Variants in PCCA observed in about 807,000 individuals in gnomAD.
PCCA encodes the protein propionyl-CoA carboxylase alpha chain, mitochondrial.
A neutral mutation model predicts 101.3 loss-of-function variants in PCCA; 74 were observed. The ratio of observed to expected loss-of-function variants is 0.73; its 90% confidence interval spans 0.61 to 0.89. The LOEUF (loss-of-function observed/expected upper bound fraction) is 0.89, where lower values mean the gene tolerates loss of function less well. Among genes scored for constraint, PCCA ranks in the 40% least tolerant of loss-of-function variants. PCCA has a pLI of 0.00. For synonymous variants in PCCA, 294 were observed against 313.6 expected (o/e 0.94, Z 0.66); for missense variants, 891 against 907.0 (o/e 0.98, Z 0.23).
At chr13:100,524,624 C>T (rs550191877) in intron 22 of PCCA, among the ~76,000 whole-genome samples, 75 of 152,278 alleles carry the variant, frequency 4.9e-4, no homozygotes, top group African/African-American at 1.7e-3. Flanking sequence ...GTAACCCCAG[C>T]ACTTTGGGAG....
rs1246904270 is a variant in PCCA, at chr13:100,394,394, G to C, written c.1746+25820G>C. ...AGCTTTCTTCAGCGAGGTTCCTTTT[G>C]CATCAGCGCTGGTTCTTGGTGGCAG... On this transcript the variant is annotated intron_variant, in intron 19 of 23. Coordinates refer to ENST00000376285, the MANE Select transcript of PCCA (RefSeq NM_000282.4). This position sits in a 1 kb window ranked among gnomAD's most constrained non-coding sequence, Gnocchi z 4.3. Among the ~76,000 whole-genome samples the C allele has an allele frequency of 1.3e-5, 2 of 151,996 alleles. No individual in the cohort carries two copies.
intron 19 of PCCA, among the ~76,000 whole-genome samples, chr13:100,395,594 T>A (rs2077004620): frequency 6.6e-6 from 1 of 152,214 alleles, no homozygotes; most frequent in Non-Finnish European, 1.5e-5. Context: ...TTAAAAGAAT[T>A]ATGGGTGTGG....
At position 100,222,073 on chromosome 13, in the gene PCCA, A is replaced by G. The variant is rs186605180; in HGVS notation, c.600+12610A>G. On this transcript the variant is annotated intron_variant, in intron 7 of 23. Transcript: ENST00000376285. Reference sequence around the variant, plus strand: ...ATAATTTTTTTTGAGACAGAGTCTCACTCTGTTGCCCAGACTGGAGTACAG... The same window carrying G: ...ATAATTTTTTTTGAGACAGAGTCTCGCTCTGTTGCCCAGACTGGAGTACAG... 2.1e-3 allele frequency among the ~76,000 whole-genome samples: 314 copies of G among 150,040 alleles called. 4 individuals carry two copies. Among genetic ancestry groups the G allele is most frequent in the Admixed American group, 0.018 (267 of 15,024 alleles).
At chr13:100,220,426 A>ATTT (rs34275910) in intron 7 of PCCA, among the ~76,000 whole-genome samples, 6 of 132,516 alleles carry the variant, frequency 4.5e-5, no homozygotes, top group South Asian at 5.0e-4. Flanking sequence ...TGCCTGACTA[A>ATTT]TTTTTTTTTT....
intron 16 of PCCA, among the ~76,000 whole-genome samples, chr13:100,315,359 A>G (rs958139925): frequency 6.6e-6 from 1 of 152,226 alleles, no homozygotes; most frequent in Admixed American, 6.5e-5. Context: ...ACTAATATTT[A>G]AAGAATAAAA....
intron 1 of PCCA, among the ~76,000 whole-genome samples, chr13:100,097,612 G>A (rs919347640): frequency 3.3e-5 from 5 of 152,066 alleles, no homozygotes; most frequent in Non-Finnish European, 5.9e-5. Context: ...CCAGCTACTC[G>A]GGAGGCTGAG....
intron 21 of PCCA, among the ~76,000 whole-genome samples, chr13:100,511,335 T>C (rs2086463290): frequency 6.6e-6 from 1 of 152,214 alleles, no homozygotes; most frequent in South Asian, 2.1e-4. Flanking sequence ...ATTTGAGTGT[T>C]GCTCTCACTG....
rs570817575 is a variant in PCCA, at chr13:100,234,594, C to A, written c.601-1248C>A. 1.4e-4 allele frequency among the ~76,000 whole-genome samples: 21 copies of A among 152,096 alleles called. 1 individual carries two copies. The South Asian group carries it at 4.0e-3, about 29-fold the overall frequency. On this transcript the variant is annotated intron_variant, in intron 7 of 23. Coordinates refer to ENST00000376285, the MANE Select transcript of PCCA (RefSeq NM_000282.4). ...GGAAATTAAATTTTTCTGACAACTT[C>A]CCCTGCCAACCTCCTTATTCAGGGG...
chr13:100,118,313 A>C (rs1025862480), intron 4 of PCCA, among the ~76,000 whole-genome samples: 10 of 152,054 alleles, frequency 6.6e-5, no homozygotes, highest in African/African-American at 2.2e-4. Context: ...AGTTGACCCC[A>C]GTTGTCCTTT....
intron 7 of PCCA, among the ~76,000 whole-genome samples, chr13:100,227,399 G>A (rs898100077): frequency 2.0e-5 from 3 of 152,038 alleles, no homozygotes; most frequent in Non-Finnish European, 2.9e-5. Flanking sequence ...CGTTTTTTCT[G>A]GTTAGTTTTT....
chr13:100,502,166 T>G (rs837288), intron 21 of PCCA, among the ~76,000 whole-genome samples: 91,046 of 152,018 alleles, frequency 0.6, 27,843 homozygotes, highest in East Asian at 0.85. Flanking sequence ...TCCTAAGATG[T>G]TTTACACATC....
At chr13:100,280,151 G>C (rs2063978031) in intron 12 of PCCA, among the ~76,000 whole-genome samples, 1 of 151,942 alleles carries the variant, frequency 6.6e-6, no homozygotes, top group Admixed American at 6.6e-5. Context: ...TTAATAGTTG[G>C]TTCCGTTGAC....
At chr13:100,248,373 A>G (rs1403787439) in intron 8 of PCCA, among the ~76,000 whole-genome samples, 3 of 151,958 alleles carry the variant, frequency 2.0e-5, no homozygotes, top group Non-Finnish European at 4.4e-5. Context: ...TGGAAATTTT[A>G]TACTCTATTT....
chr13:100,367,286 G>T (rs138547021), intron 18 of PCCA, among the ~76,000 whole-genome samples: 4 of 152,124 alleles, frequency 2.6e-5, no homozygotes, highest in African/African-American at 9.7e-5. Flanking sequence ...GAAAAGACCC[G>T]TATGATAAGA....
intron 6 of PCCA, among the ~76,000 whole-genome samples, chr13:100,170,559 C>G (rs1201668427): frequency 6.6e-6 from 1 of 152,182 alleles, no homozygotes; most frequent in African/African-American, 2.4e-5. Flanking sequence ...GTATTCTTTT[C>G]TGTATGTTTC....
At chr13:100,374,894 C>A (rs1287614936) in intron 19 of PCCA, among the ~76,000 whole-genome samples, 1 of 152,118 alleles carries the variant, frequency 6.6e-6, no homozygotes, top group East Asian at 1.9e-4. Context: ...TTAGTTATTT[C>A]TTGTCTTCTG....
chr13:100,392,464 C>T (rs941855986), intron 19 of PCCA, among the ~76,000 whole-genome samples: 1 of 152,098 alleles, frequency 6.6e-6, no homozygotes, highest in Admixed American at 6.5e-5. Context: ...AATTTAGCAC[C>T]TAGGAAATGT....
intron 7 of PCCA, among the ~76,000 whole-genome samples, chr13:100,228,810 G>T (rs1049613113): frequency 2.0e-5 from 3 of 149,570 alleles, no homozygotes; most frequent in African/African-American, 7.4e-5. Flanking sequence ...TGAGGCAGGA[G>T]AATCGTTTGA....
intron 4 of PCCA, among the ~76,000 whole-genome samples, chr13:100,143,652 C>T (rs781028371): frequency 4.6e-5 from 7 of 151,514 alleles, no homozygotes; most frequent in African/African-American, 1.5e-4. Context: ...ATTCTGTCTT[C>T]GGGTATAGAA....
Sources: gnomAD v4.1 joint callset for allele counts (sites outside exome capture counted in the v4.1 genomes callset) on GRCh38, gnomAD v4.1.1 for gene constraint, Gnocchi (gnomAD v3.1) non-coding constraint, MANE v1.5 for transcripts, NCBI Gene and HGNC (gene_info 2026-07-23, HGNC 2026-07-21) for gene names.